Variants in FAM98B observed in about 807,000 individuals in gnomAD.
The protein encoded by FAM98B is tRNA splicing ligase complex subunit 3B, also known as tRNA-splicing ligase complex subunit FAM98B.
FAM98B carries 32 observed loss-of-function variants against 43.9 expected under a neutral mutation model. The ratio of observed to expected loss-of-function variants is 0.73; its 90% CI spans 0.55 to 0.98. The LOEUF is 0.98. Among genes scored for constraint, FAM98B ranks in the 50% least tolerant of loss-of-function variants. The pLI, the probability that FAM98B is intolerant of heterozygous loss-of-function variation, is 0.00. For missense variants in FAM98B, 514 were observed against 522.9 expected, an observed-to-expected ratio of 0.98 and a Z score of 0.17; for synonymous variants, 190 against 174.0, an observed-to-expected ratio of 1.09 and a Z score of -0.72.
rs779378459 is a variant in FAM98B, at chr15:38,481,607, AT to A, written c.897+153del. On this transcript the variant is annotated intron_variant, in intron 7 of 7. Coordinates refer to ENST00000397609, the MANE Select transcript of FAM98B (RefSeq NM_173611.4). ...GGTTCAGTCTAGGCTTAGTTATGTT[AT>A]TTTTGTGTATGTGTGTATGTTCACT... is the stretch of plus-strand genomic sequence containing the variant. The A allele has an allele frequency of 3.8e-6, 6 of 1,593,342 alleles. No homozygotes were observed. The South Asian group carries it at 4.5e-5, about 12-fold the overall frequency.
intron 6 of FAM98B, among the ~76,000 whole-genome samples, chr15:38,477,866 C>G (rs982656523): frequency 1.3e-5 from 2 of 152,114 alleles, no homozygotes; most frequent in African/African-American, 4.8e-5. Flanking sequence ...TGTAAGTTAC[C>G]AACGAAGCAG....
At position 38,484,869 on chromosome 15, in the gene FAM98B, G is replaced by A; in HGVS notation, c.*210G>A. The A allele has an allele frequency of 1.5e-6, 1 of 667,430 alleles. No homozygotes were observed. Among genetic ancestry groups the A allele is most frequent in the Non-Finnish European group, 2.2e-6 (1 of 456,836 alleles). 41.3% of individuals were successfully genotyped at this position (667,430 alleles called of 1,614,324 possible). A position where few individuals can be genotyped will look rare whatever the true frequency, so the allele number is the denominator to read the frequency against. On this transcript the variant is annotated 3_prime_UTR_variant, in exon 8 of 8. Coordinates refer to ENST00000397609, the MANE Select transcript of FAM98B (RefSeq NM_173611.4). ...AGTGATGACTTTTTCCATATTCTGT[G>A]TACCCTTGAGCATGTTGTGTCTTTT... is the stretch of plus-strand genomic sequence containing the variant.
chr15:38,457,501 C>T (rs967921603), intron 1 of FAM98B, among the ~76,000 whole-genome samples: 1 of 151,982 alleles, frequency 6.6e-6, no homozygotes, highest in Non-Finnish European at 1.5e-5. Context: ...GTCGAAGAAG[C>T]AAGTGGAAGG....
chr15:38,471,604 G>A (rs1009375298), intron 4 of FAM98B, among the ~76,000 whole-genome samples: 3 of 152,064 alleles, frequency 2.0e-5, no homozygotes, highest in South Asian at 4.1e-4. Flanking sequence ...TAATTATAAG[G>A]TAGTTGTTAC....
intron 7 of FAM98B, among the ~76,000 whole-genome samples, 192 bp from the exon 8 acceptor site, chr15:38,484,063 T>C (rs1426352924): frequency 3.3e-5 from 5 of 151,988 alleles, no homozygotes; most frequent in African/African-American, 1.2e-4. Context: ...CTAGCCGTGA[T>C]TTTGTATCCT....
intron 1 of FAM98B, chr15:38,458,769 C>T (rs1183217133): frequency 5.2e-6 from 2 of 381,220 alleles, no homozygotes; most frequent in Non-Finnish European, 5.1e-6. Flanking sequence ...CCTGCCCCTA[C>T]CCAAGGCTGG....
chr15:38,462,844 G>A (rs186199384), intron 1 of FAM98B, among the ~76,000 whole-genome samples: 1 of 152,222 alleles, frequency 6.6e-6, no homozygotes, highest in Admixed American at 6.5e-5. Flanking sequence ...AAAAGAATCG[G>A]GGCTCCTTGG....
intron 1 of FAM98B, chr15:38,458,702 C>T: frequency 3.9e-6 from 1 of 253,698 alleles, no homozygotes; most frequent in Non-Finnish European, 7.8e-6. Flanking sequence ...AAAGGCACAG[C>T]ATAGGAAAGA....
chr15:38,467,416 AT>A (rs975975437), intron 3 of FAM98B, among the ~76,000 whole-genome samples: 12 of 151,956 alleles, frequency 7.9e-5, no homozygotes, highest in Admixed American at 5.2e-4. Context: ...TCTACAGAAA[AT>A]TTTTTTTTAA....
rs756929106 is a variant in FAM98B at position 38,481,581 on chromosome 15, G to A, written c.897+122G>A. 3.8e-5 allele frequency: 61 copies of A among 1,611,538 alleles called. No individual in the cohort carries two copies. The Admixed American group carries it at 4.8e-4, about 13-fold the overall frequency. Reference sequence around the variant, plus strand: ...ATGTTTAGAAAAAAGAGTGGCAGGGGGGTTCAGTCTAGGCTTAGTTATGTT... The same window carrying A: ...ATGTTTAGAAAAAAGAGTGGCAGGGAGGTTCAGTCTAGGCTTAGTTATGTT... On this transcript the variant is annotated intron_variant, in intron 7 of 7. Coordinates refer to ENST00000397609, the MANE Select transcript of FAM98B (RefSeq NM_173611.4).
chr15:38,457,487 A>G (rs1190695878), intron 1 of FAM98B, among the ~76,000 whole-genome samples: 1 of 152,164 alleles, frequency 6.6e-6, no homozygotes, highest in African/African-American at 2.4e-5. Context: ...GTTATAGGTG[A>G]GTGGTCGAAG....
At chr15:38,455,477 T>C (rs76961090) in intron 1 of FAM98B, among the ~76,000 whole-genome samples, 1,732 of 152,308 alleles carry the variant, frequency 0.011, 14 homozygotes, top group Non-Finnish European at 0.018. Context: ...TAATACCTAC[T>C]TTGCAGTGAC....
rs552997542 is a variant in FAM98B at position 38,462,817 on chromosome 15, G to A, written c.72-1215G>A. ...TGACCAACCTTTGGTAGCAGATTAT[G>A]TACTCTAAATACCATTAAAAGAATC... is the stretch of plus-strand genomic sequence containing the variant. On this transcript the variant is annotated intron_variant, in intron 1 of 7. Transcript: ENST00000397609. Among the ~76,000 whole-genome samples, 127 of 152,298 alleles carry A rather than the reference G, an allele frequency of 8.3e-4. No homozygotes were observed. The South Asian group carries it at 0.011, about 13-fold the overall frequency.
chr15:38,463,490 CAAAAA>C, intron 1 of FAM98B, among the ~76,000 whole-genome samples: 1 of 78,950 alleles, frequency 1.3e-5, no homozygotes, highest in South Asian at 4.6e-4. Context: ...GACCCTGCCT[CAAAAA>C]TAAAATAAAA....
Position 38,486,601 on chromosome 15 carries a change from A to G in FAM98B, c.*1942A>G, listed in dbSNP as rs1377960604. 1 of 152,158 alleles carries G rather than the reference A, an allele frequency of 6.6e-6. No homozygotes were observed. Among genetic ancestry groups the G allele is most frequent in the Non-Finnish European group, 1.5e-5 (1 of 67,992 alleles). 9.4% of individuals were successfully genotyped at this position (152,158 alleles called of 1,614,324 possible). On this transcript the variant is annotated 3_prime_UTR_variant, in exon 8 of 8. Transcript: ENST00000397609. ...AGGAGTGCTGCTTGGGTTATTCACT[A>G]CAATCACTTATTTCCTATCAAAGTT...
At chr15:38,461,591 C>A (rs913657325) in intron 1 of FAM98B, among the ~76,000 whole-genome samples, 9 of 151,960 alleles carry the variant, frequency 5.9e-5, no homozygotes, top group African/African-American at 2.2e-4. Flanking sequence ...TACATAAAGG[C>A]AGGTTTCCTA....
At chr15:38,462,341 C>G (rs1325952669) in intron 1 of FAM98B, among the ~76,000 whole-genome samples, 1 of 152,040 alleles carries the variant, frequency 6.6e-6, no homozygotes, top group Non-Finnish European at 1.5e-5. Context: ...CTAGATTTTT[C>G]TGATGCATTT....
chr15:38,471,753 A>G (rs1287851196), intron 4 of FAM98B, among the ~76,000 whole-genome samples: 2 of 152,140 alleles, frequency 1.3e-5, no homozygotes, highest in Non-Finnish European at 1.5e-5. Flanking sequence ...TGGGGAAGGA[A>G]AGTATTATTT....
chr15:38,479,634 A>G (rs985009075), intron 6 of FAM98B, among the ~76,000 whole-genome samples: 5 of 152,162 alleles, frequency 3.3e-5, no homozygotes, highest in Admixed American at 6.5e-5. Context: ...TAGTGATTCA[A>G]TAGTTTACTT....
Sources: allele counts gnomAD v4.1 joint callset (sites outside exome capture counted in the v4.1 genomes callset), GRCh38; gene constraint gnomAD v4.1.1; transcripts MANE v1.5; gene names NCBI Gene and HGNC (gene_info 2026-07-23, HGNC 2026-07-21).